The following XPNPEP3 variants were observed in gnomAD, a reference collection of about 807,000 sequenced individuals.
The protein encoded by XPNPEP3 is xaa-Pro aminopeptidase 3.
XPNPEP3 carries 41 observed loss-of-function variants against 60.0 expected under a neutral mutation model. The observed-to-expected ratio is 0.68, with a 90% confidence interval of 0.53 to 0.89. The LOEUF (loss-of-function observed/expected upper bound fraction) is 0.89. Ranked by LOEUF, XPNPEP3 falls within the 40% of genes least tolerant of loss-of-function variation. The pLI, the probability that XPNPEP3 is intolerant of heterozygous loss-of-function variation, is 0.00. For synonymous variants in XPNPEP3, 212 were observed against 223.2 expected (o/e 0.95, Z 0.45); for missense variants, 598 against 638.9 (o/e 0.94, Z 0.69).
rs886057549 is a variant in XPNPEP3 at position 40,932,599 on chromosome 22, G to T, written c.*6164G>T. On this transcript the variant is annotated 3_prime_UTR_variant, in exon 10 of 10. Transcript: ENST00000357137. ...AATCAGAGGACCCACTGGAATCAAG[G>T]CTTCTTGGAATTGCGCAAGAATCTG... is the stretch of plus-strand genomic sequence containing the variant. 2 of 152,068 alleles carry T rather than the reference G, an allele frequency of 1.3e-5. No homozygotes were observed. Among genetic ancestry groups the T allele is most frequent in the Non-Finnish European group, 2.9e-5 (2 of 68,034 alleles). The allele number at this position is 152,068 out of a possible 1,614,324, so 9.4% of individuals were successfully genotyped here. A position where few individuals can be genotyped will look rare whatever the true frequency, so the allele number is the denominator to read the frequency against.
chr22:40,870,643 A>G (rs1457400366), intron 2 of XPNPEP3, among the ~76,000 whole-genome samples: 1 of 152,162 alleles, frequency 6.6e-6, no homozygotes, highest in Non-Finnish European at 1.5e-5. Context: ...AGAATTAATC[A>G]TTTGTGTTTC....
intron 7 of XPNPEP3, among the ~76,000 whole-genome samples, chr22:40,915,204 C>T (rs1200008208): frequency 6.6e-6 from 1 of 152,038 alleles, no homozygotes; most frequent in Non-Finnish European, 1.5e-5. Context: ...GCACCCACCA[C>T]CACGCCTGGC....
At chr22:40,891,965 C>T (rs2058090177) in intron 4 of XPNPEP3, among the ~76,000 whole-genome samples, 1 of 152,140 alleles carries the variant, frequency 6.6e-6, no homozygotes, top group African/African-American at 2.4e-5. Flanking sequence ...ATACCTTGGA[C>T]TCCATTTAAA....
chr22:40,869,742 C>T (rs1206585907), intron 2 of XPNPEP3, among the ~76,000 whole-genome samples: 1 of 152,044 alleles, frequency 6.6e-6, no homozygotes, highest in African/African-American at 2.4e-5. Flanking sequence ...AACTATTGCT[C>T]AAATTTAGAC....
intron 2 of XPNPEP3, among the ~76,000 whole-genome samples, chr22:40,871,861 C>T (rs2058007250): frequency 6.6e-6 from 1 of 152,100 alleles, no homozygotes; most frequent in Non-Finnish European, 1.5e-5. Context: ...AGTGAAATCC[C>T]GTCTCTACTA....
Position 40,886,304 on chromosome 22 carries a change from C to T in XPNPEP3, c.590-9C>T, listed in dbSNP as rs149370388. The T allele has an allele frequency of 9.0e-4, 1,457 of 1,613,724 alleles. 9 individuals are homozygous for T. In the African/African-American group the frequency reaches 0.016, roughly 18 times the overall value. On this transcript the variant is annotated splice_polypyrimidine_tract_variant and intron_variant, in intron 3 of 9. Coordinates refer to ENST00000357137, the MANE Select transcript of XPNPEP3 (RefSeq NM_022098.4). ...GTTTTAAATTTATTTTTCGGCTTCT[C>T]ATTCTAAGCTGAGACGAACATGGTT...
chr22:40,893,364 G>A (rs1361497516), intron 4 of XPNPEP3, among the ~76,000 whole-genome samples: 1 of 149,734 alleles, frequency 6.7e-6, no homozygotes, highest in Non-Finnish European at 1.5e-5. Flanking sequence ...AAATTAGCCG[G>A]GCATGGTGGC....
At chr22:40,870,462 A>G (rs2145775895) in intron 2 of XPNPEP3, 1 of 154,524 alleles carries the variant, frequency 6.5e-6, no homozygotes, top group South Asian at 1.9e-4. Flanking sequence ...TCTGGGGGAA[A>G]AGGGATGCCT....
chr22:40,897,169 A>G (rs1475465218), intron 4 of XPNPEP3, among the ~76,000 whole-genome samples: 1 of 151,554 alleles, frequency 6.6e-6, no homozygotes, highest in African/African-American at 2.4e-5. Flanking sequence ...CTGGGACTAC[A>G]GGCACCCGCC....
intron 4 of XPNPEP3, chr22:40,907,310 A>C: frequency 2.4e-6 from 1 of 413,444 alleles, no homozygotes. Flanking sequence ...AGTCCCAGCT[A>C]CTCGAGAGGC....
chr22:40,914,444 T>G, intron 7 of XPNPEP3, 120 bp downstream of exon 7: 4 of 860,238 alleles, frequency 4.6e-6, no homozygotes. Context: ...CAAGTTAGGT[T>G]GCAAAGCTCC....
chr22:40,884,454 C>T (rs754386022), intron 3 of XPNPEP3, among the ~76,000 whole-genome samples: 2 of 151,724 alleles, frequency 1.3e-5, no homozygotes, highest in East Asian at 2.0e-4. Flanking sequence ...CTCAGCCTCC[C>T]GTGTAGCTGG....
At chr22:40,883,781 A>T (rs556319010) in intron 3 of XPNPEP3, among the ~76,000 whole-genome samples, 81 of 152,316 alleles carry the variant, frequency 5.3e-4, no homozygotes, top group Admixed American at 1.1e-3. Flanking sequence ...CCTACACCAC[A>T]TTATAAACTA....
intron 7 of XPNPEP3, 124 bp downstream of exon 7, chr22:40,914,448 A>G: frequency 1.2e-6 from 1 of 829,906 alleles, no homozygotes. Flanking sequence ...TTAGGTTGCA[A>G]AGCTCCTTAT....
intron 1 of XPNPEP3, among the ~76,000 whole-genome samples, chr22:40,867,700 T>A (rs1416291443): frequency 2.7e-5 from 4 of 150,584 alleles, no homozygotes; most frequent in Non-Finnish European, 5.9e-5. Flanking sequence ...AGAGTGAGAC[T>A]CTGTCTTAAA....
chr22:40,869,025 T>G lies in XPNPEP3; in HGVS notation c.91T>G (p.Tyr31Asp), dbSNP rs566798545. The change falls in exon 2 of 10, where the codon TAC becomes GAC. Residue 31 changes from tyrosine (Y) to aspartate (D), a missense_variant. Transcript: ENST00000357137. Reference protein sequence around the residue: ...SGCMLCSQRRYSLQPVPERRI... With the variant: ...SGCMLCSQRRDSLQPVPERRI... Reference sequence around the variant, plus strand: ...ATGTATGTTGTGTTCACAGCGAAGGTACTCCCTTCAGCCTGTCCCAGAAAG... The same window carrying G: ...ATGTATGTTGTGTTCACAGCGAAGGGACTCCCTTCAGCCTGTCCCAGAAAG... The G allele has an allele frequency of 1.9e-6, 3 of 1,614,026 alleles. No individual in the cohort carries two copies. Among genetic ancestry groups the G allele is most frequent in the African/African-American group, 2.7e-5 (2 of 75,032 alleles).
chr22:40,922,755 T>C (rs894185811), intron 8 of XPNPEP3, among the ~76,000 whole-genome samples: 39 of 150,752 alleles, frequency 2.6e-4, no homozygotes, highest in African/African-American at 8.2e-4. Context: ...CATATATATA[T>C]ACACACACAT....
At chr22:40,861,197 A>C (rs1412659037) in intron 1 of XPNPEP3, 1 of 1,613,994 alleles carries the variant, frequency 6.2e-7, no homozygotes, top group Non-Finnish European at 8.5e-7. Flanking sequence ...TACCTCCCTC[A>C]TCATTGTCCA....
At chr22:40,880,067 C>T (rs2058041774) in intron 2 of XPNPEP3, among the ~76,000 whole-genome samples, 1 of 149,066 alleles carries the variant, frequency 6.7e-6, no homozygotes, top group South Asian at 2.1e-4. Context: ...CTAAGGTAAT[C>T]ATATACTGAA....
Sources: allele counts gnomAD v4.1 joint callset (sites outside exome capture counted in the v4.1 genomes callset), GRCh38; gene constraint gnomAD v4.1.1; transcripts MANE v1.5; gene names NCBI Gene and HGNC (gene_info 2026-07-23, HGNC 2026-07-21).